The following ATP8A1 variants were observed in gnomAD, a reference collection of about 807,000 sequenced individuals.
ATP8A1 encodes ATPase phospholipid transporting 8A1.
ATP8A1 carries 90 observed loss-of-function variants against 177.7 expected under a neutral mutation model. The observed-to-expected ratio is 0.51, with a 90% CI of 0.43 to 0.60. ATP8A1 has a LOEUF of 0.60. Among genes scored for constraint, ATP8A1 ranks in the 20% least tolerant of loss-of-function variants. The pLI is 0.00. For synonymous variants in ATP8A1, 493 were observed against 485.9 expected (o/e 1.01, Z -0.19); for missense variants, 1,072 against 1,392.8 (o/e 0.77, Z 3.67).
intron 9 of ATP8A1, 92 bp downstream of exon 9, chr4:42,586,257 C>A: frequency 2.1e-6 from 3 of 1,452,358 alleles, no homozygotes; most frequent in South Asian, 2.7e-5. Context: ...ACTTAGCACA[C>A]AAGAAGATAA....
chr4:42,457,066 G>A (rs934950231), intron 27 of ATP8A1, among the ~76,000 whole-genome samples: 4 of 152,176 alleles, frequency 2.6e-5, no homozygotes, highest in Non-Finnish European at 5.9e-5. Flanking sequence ...TTGTGTTAGA[G>A]CTGTAACACA....
intron 14 of ATP8A1, among the ~76,000 whole-genome samples, chr4:42,573,719 A>C (rs1732135980): frequency 6.6e-6 from 1 of 152,052 alleles, no homozygotes; most frequent in African/African-American, 2.4e-5. Flanking sequence ...CTTATTTATA[A>C]TTTTAACTAA....
chr4:42,513,971 C>A (rs1309425792), intron 22 of ATP8A1, among the ~76,000 whole-genome samples: 1 of 152,162 alleles, frequency 6.6e-6, no homozygotes, highest in Non-Finnish European at 1.5e-5. Context: ...GGTTGCTGGG[C>A]TCCTCTGTGT....
intron 6 of ATP8A1, chr4:42,594,357 A>G: frequency 6.4e-7 from 1 of 1,570,258 alleles, no homozygotes; most frequent in Non-Finnish European, 8.8e-7. Context: ...TATCTCCAAC[A>G]TTTACCTGAA....
At chr4:42,540,079 T>C (rs1275904047) in intron 20 of ATP8A1, among the ~76,000 whole-genome samples, 2 of 151,898 alleles carry the variant, frequency 1.3e-5, no homozygotes, top group African/African-American at 4.8e-5. Flanking sequence ...TACAAGAAAC[T>C]GAAACAACAG....
In ATP8A1 at chr4:42,443,552, T is replaced by G. The variant is rs990558567; in HGVS notation, c.3123+13A>C. On this transcript the variant is annotated intron_variant, in intron 33 of 36. Transcript: ENST00000381668. ...AAGGTTTTGTTGGATTGTGAGTTAT[T>G]AGCGCACATTACCTCTCCTGACATA... 2.0e-6 allele frequency: 2 copies of G among 980,608 alleles called. No individual in the cohort carries two copies. Among genetic ancestry groups the G allele is most frequent in the African/African-American group, 1.6e-5 (1 of 62,918 alleles). 60.7% of individuals were successfully genotyped at this position (980,608 alleles called of 1,614,324 possible).
At chr4:42,465,136 T>C in intron 25 of ATP8A1, 60 bp from the exon 26 acceptor site, 1 of 1,454,488 alleles carries the variant, frequency 6.9e-7, no homozygotes, top group South Asian at 1.3e-5. Flanking sequence ...TGAAATGCCA[T>C]CGTGTTGAAG....
intron 15 of ATP8A1, among the ~76,000 whole-genome samples, chr4:42,558,276 T>G (rs1246063512): frequency 6.6e-6 from 1 of 152,222 alleles, no homozygotes; most frequent in Admixed American, 6.5e-5. Flanking sequence ...TTAGTCAAAC[T>G]TTCACAAATA....
chr4:42,653,664 C>T (rs373462784), intron 1 of ATP8A1, among the ~76,000 whole-genome samples: 1 of 152,188 alleles, frequency 6.6e-6, no homozygotes, highest in Admixed American at 6.5e-5. Flanking sequence ...CGATGTGGCC[C>T]CCAACTGGCC....
At chr4:42,526,156 G>T (rs984416495) in intron 20 of ATP8A1, among the ~76,000 whole-genome samples, 1 of 152,130 alleles carries the variant, frequency 6.6e-6, no homozygotes, top group African/African-American at 2.4e-5. Context: ...ATTCGGTACT[G>T]TATCCAAACA....
intron 15 of ATP8A1, 107 bp from the exon 16 acceptor site, chr4:42,556,147 A>G: frequency 3.1e-6 from 2 of 640,092 alleles, no homozygotes; most frequent in South Asian, 2.9e-5. Flanking sequence ...AACCCTCAAT[A>G]AATTAAATGT....
chr4:42,578,934 G>A (rs1732742945), intron 11 of ATP8A1, among the ~76,000 whole-genome samples: 1 of 151,810 alleles, frequency 6.6e-6, no homozygotes, highest in African/African-American at 2.4e-5. Context: ...ACAGACTGAT[G>A]GTAGTAACAG....
chr4:42,419,766 G>T (rs1713656516), intron 35 of ATP8A1, among the ~76,000 whole-genome samples: 1 of 152,236 alleles, frequency 6.6e-6, no homozygotes, highest in Non-Finnish European at 1.5e-5. Context: ...CACTTTGGGA[G>T]GCTGAGGCGG....
intron 5 of ATP8A1, among the ~76,000 whole-genome samples, chr4:42,602,425 G>T (rs1002080625): frequency 6.6e-6 from 1 of 152,188 alleles, no homozygotes; most frequent in African/African-American, 2.4e-5. Context: ...GTCTCTGCCA[G>T]AGTCCAACAG....
intron 8 of ATP8A1, 129 bp downstream of exon 8, chr4:42,588,131 T>C (rs1733812062): frequency 1.5e-6 from 1 of 654,674 alleles, no homozygotes; most frequent in Non-Finnish European, 2.5e-6. Flanking sequence ...AAAACCTCTT[T>C]GTTGTGGTTC....
At chr4:42,522,131 C>G in intron 22 of ATP8A1, 29 bp downstream of exon 22, 1 of 1,584,466 alleles carries the variant, frequency 6.3e-7, no homozygotes, top group Non-Finnish European at 8.5e-7. Context: ...ACCAAACCCT[C>G]TGTATGATCA....
At chr4:42,417,410 C>T (rs569673124) in intron 35 of ATP8A1, among the ~76,000 whole-genome samples, 2 of 151,256 alleles carry the variant, frequency 1.3e-5, no homozygotes, top group African/African-American at 2.4e-5. Context: ...AGCAGTTTTA[C>T]GTAGTCTCTT....
Position 42,569,164 on chromosome 4 carries a change from T to G in ATP8A1, c.1337A>C (p.Glu446Ala). 1 of 1,604,350 alleles carries G rather than the reference T, an allele frequency of 6.2e-7. No homozygotes were observed. The highest frequency in any genetic ancestry group is 8.5e-7 in the Non-Finnish European group (1 of 1,175,050). The change falls in exon 15 of 37, where the codon GAA becomes GCA. Residue 446 changes from glutamate (E) to alanine (A), a missense_variant. This residue lies in a region of ATP8A1 where 388 missense variants were observed against 471.7 expected (regional missense o/e 0.82). Transcript: ENST00000381668. ...CAGAAAGTTCCATAGAGCTTACCAT[T>G]CATCAGGAGAGCAGCCATAATCCTC... Reference protein sequence around the residue: ...EPEDYGCSPDEWQNSQFGDEK... With the variant: ...EPEDYGCSPDAWQNSQFGDEK...
intron 27 of ATP8A1, among the ~76,000 whole-genome samples, chr4:42,460,071 G>T (rs966676789): frequency 6.6e-6 from 1 of 152,148 alleles, no homozygotes; most frequent in African/African-American, 2.4e-5. Flanking sequence ...GATTACAGGC[G>T]TGAGCCACTG....
Sources: gnomAD v4.1 joint callset for allele counts (sites outside exome capture counted in the v4.1 genomes callset) on GRCh38, gnomAD v4.1.1 for gene constraint, gnomAD v4.1.1 regional missense constraint, MANE v1.5 for transcripts, NCBI Gene and HGNC (gene_info 2026-07-23, HGNC 2026-07-21) for gene names.